Variants in GTF3C2 observed in about 807,000 individuals in gnomAD.
The protein encoded by GTF3C2 is general transcription factor 3C polypeptide 2.
A neutral mutation model predicts 117.4 loss-of-function variants in GTF3C2; 17 were observed. The observed-to-expected ratio is 0.14, with a 90% CI of 0.10 to 0.22. The LOEUF (loss-of-function observed/expected upper bound fraction) is 0.22, where lower values mean the gene tolerates loss of function less well. GTF3C2 is among the 10% of genes least tolerant of loss of function. GTF3C2 has a pLI of 1.00. For synonymous variants in GTF3C2, 437 were observed against 427.0 expected (o/e 1.02, Z -0.29); for missense variants, 888 against 1,143.6 (o/e 0.78, Z 3.22).
chr2:27,328,200 G>A lies in GTF3C2; in HGVS notation c.2257-11C>T. ...TGCTTTATATATAGGCTGGAAAGGA[G>A]ACCATGAAATTAGGTTCTATAATAC... On this transcript the variant is annotated splice_polypyrimidine_tract_variant and intron_variant, in intron 16 of 18. Coordinates refer to ENST00000264720, the Ensembl canonical transcript of GTF3C2. 6.4e-7 allele frequency: 1 copy of A among 1,560,354 alleles called. No homozygotes were observed. The highest frequency in any genetic ancestry group is 8.7e-7 in the Non-Finnish European group (1 of 1,155,056).
intron 2 of GTF3C2, 73 bp downstream of exon 2, chr2:27,343,235 C>T (rs920613059): frequency 7.7e-6 from 12 of 1,548,854 alleles, no homozygotes; most frequent in Non-Finnish European, 8.8e-7. Context: ...TTGTAAGATC[C>T]TATGAGCTCA....
At chr2:27,339,113 G>T (rs1026946853) in intron 4 of GTF3C2, among the ~76,000 whole-genome samples, 8 of 152,034 alleles carry the variant, frequency 5.3e-5, no homozygotes, top group African/African-American at 1.9e-4. Flanking sequence ...GTAATCAGTT[G>T]AAAAAATCAG....
intron 4 of GTF3C2, 88 bp downstream of exon 4, chr2:27,341,860 G>T: frequency 8.7e-7 from 1 of 1,156,046 alleles, no homozygotes; most frequent in Admixed American, 2.1e-5. Context: ...TAGTTACCAG[G>T]TCAAAGCTGT....
intron 4 of GTF3C2, among the ~76,000 whole-genome samples, chr2:27,341,022 TTGTG>T (rs1680709785): frequency 6.6e-6 from 1 of 152,020 alleles, no homozygotes; most frequent in African/African-American, 2.4e-5. Flanking sequence ...TACAACTGAA[TTGTG>T]TGTTTTGTTT....
intron 1 of GTF3C2, 113 bp downstream of exon 1, chr2:27,356,626 C>G (rs1361751892): frequency 6.3e-6 from 1 of 158,990 alleles, no homozygotes; most frequent in Non-Finnish European, 1.4e-5. Flanking sequence ...GCTGCTGTGG[C>G]TGGGAGAAGA....
At chr2:27,332,908 C>T (rs1390256270) in intron 12 of GTF3C2, among the ~76,000 whole-genome samples, 1 of 149,604 alleles carries the variant, frequency 6.7e-6, no homozygotes, top group Non-Finnish European at 1.5e-5. Flanking sequence ...TAGAGACAGG[C>T]TTTCACCATG....
chr2:27,356,568 G>A (rs1466737814), intron 1 of GTF3C2, 171 bp downstream of exon 1: 1 of 194,664 alleles, frequency 5.1e-6, no homozygotes. Context: ...AGTAGGGAAG[G>A]TGCGGAGCAT....
intron 1 of GTF3C2, among the ~76,000 whole-genome samples, chr2:27,353,385 A>T (rs1480262326): frequency 6.6e-6 from 1 of 151,066 alleles, no homozygotes; most frequent in Non-Finnish European, 1.5e-5. Flanking sequence ...CCGTCTCAAA[A>T]AAAAAAAAAA....
chr2:27,356,160 C>T (rs1681369358), intron 1 of GTF3C2: 3 of 1,206,344 alleles, frequency 2.5e-6, no homozygotes, highest in Non-Finnish European at 3.3e-6. Context: ...CCCCAACAGG[C>T]AGCCAACTTG....
At chr2:27,337,410 G>C (rs1226574866) in intron 6 of GTF3C2, 68 bp from the exon 7 acceptor site, 1 of 1,460,444 alleles carries the variant, frequency 6.8e-7, no homozygotes, top group Admixed American at 1.7e-5. Flanking sequence ...TCCCATTATA[G>C]AGCCTCTGTC....
chr2:27,351,594 C>T (rs1283821168), intron 1 of GTF3C2, among the ~76,000 whole-genome samples: 2 of 152,148 alleles, frequency 1.3e-5, no homozygotes, highest in African/African-American at 4.8e-5. Flanking sequence ...CTCATCACTG[C>T]CAAAATCTGC....
intron 11 of GTF3C2, 83 bp downstream of exon 11, chr2:27,333,891 T>C: frequency 6.8e-7 from 1 of 1,460,950 alleles, no homozygotes; most frequent in Non-Finnish European, 9.6e-7. Flanking sequence ...TTTTCAGAAG[T>C]ATAAGGAGAC....
At chr2:27,326,853 A>G (rs1208827900) in exon 19 of GTF3C2, 13 of 1,613,748 alleles carry the variant, frequency 8.1e-6, no homozygotes, top group Non-Finnish European at 1.1e-5. Context: ...CCCCCCAGAT[A>G]CCAGCCATCC....
rs1475225741 is a variant in GTF3C2 at position 27,343,589 on chromosome 2, A to T, written c.-24-11T>A. 4.4e-6 allele frequency: 7 copies of T among 1,608,746 alleles called. No homozygotes were observed. In the African/African-American group the frequency reaches 9.4e-5, roughly 22 times the overall value. ...CCAAAATGGCTGCCCCTGCATACAG[A>T]GACACACAAATGAGTAGAGGACAAA... On this transcript the variant is annotated splice_polypyrimidine_tract_variant and intron_variant, in intron 1 of 18. Transcript: ENST00000264720.
exon 19 of GTF3C2, chr2:27,325,980 T>A (rs1159455861): frequency 5.0e-6 from 1 of 199,904 alleles, no homozygotes; most frequent in Non-Finnish European, 1.1e-5. Flanking sequence ...GTGAAATTTA[T>A]AGAAGTATAC....
chr2:27,348,261 C>T (rs1157380665), intron 1 of GTF3C2, among the ~76,000 whole-genome samples: 4 of 138,676 alleles, frequency 2.9e-5, no homozygotes, highest in Admixed American at 1.5e-4. Context: ...AGCAGGACTC[C>T]GTCTGAGGGA....
chr2:27,345,244 TG>T (rs1680876536), intron 1 of GTF3C2, among the ~76,000 whole-genome samples: 1 of 152,062 alleles, frequency 6.6e-6, no homozygotes, highest in African/African-American at 2.4e-5. Flanking sequence ...CACTCCAGCC[TG>T]GGCAACAAAG....
chr2:27,343,011 G>C lies in GTF3C2; in HGVS notation c.384C>G (p.Leu128=), dbSNP rs1354580599. 1.9e-6 allele frequency: 3 copies of C among 1,614,098 alleles called. No individual in the cohort carries two copies. In the Admixed American group the frequency reaches 5.0e-5, roughly 27 times the overall value. ...TGGACAGAGGGTTGGATTGATCTAA[G>C]AGACCAGGAACCAGTGGGGCTGATG... is the stretch of plus-strand genomic sequence containing the variant. Residue 128 remains leucine (L), a synonymous_variant, in exon 3 of 19, where the codon CTC becomes CTG. Transcript: ENST00000264720.
intron 1 of GTF3C2, chr2:27,356,383 G>C (rs1681381478): frequency 3.6e-6 from 1 of 275,756 alleles, no homozygotes; most frequent in African/African-American, 2.2e-5. Flanking sequence ...CCCCTAGCCT[G>C]TGCGGGAGAG....
Sources: gnomAD v4.1 joint callset for allele counts (sites outside exome capture counted in the v4.1 genomes callset) on GRCh38, gnomAD v4.1.1 for gene constraint, MANE v1.5 for transcripts, NCBI Gene and HGNC (gene_info 2026-07-23, HGNC 2026-07-21) for gene names.